The following COP1 variants were observed in gnomAD, a reference collection of about 807,000 sequenced individuals.
The protein encoded by COP1 is E3 ubiquitin-protein ligase COP1.
Under a neutral mutation model 101.3 loss-of-function variants are expected in COP1, and 24 were observed. The observed-to-expected ratio is 0.24, with a 90% confidence interval of 0.17 to 0.33. The LOEUF (loss-of-function observed/expected upper bound fraction) is 0.33. COP1 is among the 10% of genes least tolerant of loss of function. The pLI, the probability that COP1 is intolerant of heterozygous loss-of-function variation, is 1.00. For missense variants in COP1, 663 were observed against 906.2 expected, an observed-to-expected ratio of 0.73 and a Z score of 3.45; for synonymous variants, 347 against 341.9, an observed-to-expected ratio of 1.01 and a Z score of -0.17.
At chr1:175,995,990 A>T (rs1173776186) in intron 15 of COP1, among the ~76,000 whole-genome samples, 1 of 152,176 alleles carries the variant, frequency 6.6e-6, no homozygotes, top group East Asian at 1.9e-4. Flanking sequence ...TTGATGCAAA[A>T]ATCCTCAATA....
chr1:176,015,055 C>T (rs1217768442), intron 15 of COP1, among the ~76,000 whole-genome samples: 1 of 152,042 alleles, frequency 6.6e-6, no homozygotes, highest in East Asian at 1.9e-4. Context: ...TTTCAATAGG[C>T]TTCTTTGAGG....
At chr1:176,183,066 CTTTAT>C (rs1293132411) in intron 2 of COP1, among the ~76,000 whole-genome samples, 4 of 152,088 alleles carry the variant, frequency 2.6e-5, no homozygotes, top group Admixed American at 1.3e-4. Context: ...CATTTTAATA[CTTTAT>C]TTTATAAGAA....
At chr1:176,000,166 G>T (rs991612992) in intron 15 of COP1, among the ~76,000 whole-genome samples, 2 of 151,960 alleles carry the variant, frequency 1.3e-5, no homozygotes, top group Admixed American at 6.6e-5. Context: ...TATTACTAAA[G>T]AAATTTTTGC....
At chr1:175,945,829 A>G (rs1649104598) in intron 19 of COP1, among the ~76,000 whole-genome samples, 1 of 152,220 alleles carries the variant, frequency 6.6e-6, no homozygotes. Flanking sequence ...GCAAATATTT[A>G]AACGTGCAAC....
At chr1:176,048,620 C>A (rs537982982) in intron 11 of COP1, among the ~76,000 whole-genome samples, 38 of 152,240 alleles carry the variant, frequency 2.5e-4, no homozygotes, top group African/African-American at 8.7e-4. Context: ...GAGTTATTAT[C>A]AGAACTGAAA....
At chr1:175,984,513 C>T (rs565347641) in intron 18 of COP1, among the ~76,000 whole-genome samples, 2 of 152,298 alleles carry the variant, frequency 1.3e-5, no homozygotes, top group African/African-American at 4.8e-5. Flanking sequence ...CACGGCAGTA[C>T]AGAAGGGAAA....
chr1:176,040,374 G>A (rs1670306998), intron 14 of COP1, among the ~76,000 whole-genome samples: 1 of 151,840 alleles, frequency 6.6e-6, no homozygotes, highest in Admixed American at 6.6e-5. Flanking sequence ...GGAGTACAGT[G>A]TGGCACAATC....
At position 176,202,502 on chromosome 1, in the gene COP1, G is replaced by A. The variant is rs143112989; in HGVS notation, c.407+4070C>T. On this transcript the variant is annotated intron_variant, in intron 1 of 19. Coordinates refer to ENST00000367669, the MANE Select transcript of COP1 (RefSeq NM_022457.7). ...AGGTGCCCACCCTCACTTTTTAATA[G>A]TCTGAAAAACAGAGCCACGTGTTTT... Among the ~76,000 whole-genome samples the A allele has an allele frequency of 2.6e-3, 400 of 151,842 alleles. 3 individuals are homozygous for A. The highest frequency in any genetic ancestry group is 9.2e-3 in the African/African-American group (382 of 41,434).
chr1:176,079,503 G>A (rs1309837326), intron 11 of COP1, among the ~76,000 whole-genome samples: 2 of 151,862 alleles, frequency 1.3e-5, no homozygotes, highest in Non-Finnish European at 2.9e-5. Flanking sequence ...GAGGGCAGGG[G>A]TCGTGGGCTT....
intron 1 of COP1, among the ~76,000 whole-genome samples, chr1:176,202,896 A>G (rs1015790400): frequency 6.6e-6 from 1 of 152,168 alleles, no homozygotes; most frequent in South Asian, 2.1e-4. Context: ...ATAATTACAC[A>G]GTTAAAAGCC....
chr1:176,119,484 TA>T (rs1686750794), intron 8 of COP1, among the ~76,000 whole-genome samples: 1 of 152,194 alleles, frequency 6.6e-6, no homozygotes, highest in African/African-American at 2.4e-5. Flanking sequence ...AACTAAGAAT[TA>T]AAAATAGTAT....
intron 1 of COP1, among the ~76,000 whole-genome samples, chr1:176,187,520 A>T (rs1698623783): frequency 6.6e-6 from 1 of 151,882 alleles, no homozygotes; most frequent in Non-Finnish European, 1.5e-5. Flanking sequence ...AAGTGTTGGG[A>T]TTATAGGCAT....
intron 11 of COP1, among the ~76,000 whole-genome samples, chr1:176,052,159 T>A (rs1672680957): frequency 6.6e-6 from 1 of 152,160 alleles, no homozygotes; most frequent in East Asian, 1.9e-4. Flanking sequence ...TTCTATCTGG[T>A]ATATCCTACA....
intron 2 of COP1, among the ~76,000 whole-genome samples, chr1:176,181,321 T>C (rs1042120787): frequency 2.7e-4 from 41 of 152,036 alleles, no homozygotes; most frequent in African/African-American, 7.2e-4. Flanking sequence ...GAATTTACGT[T>C]ACTAGAAAGT....
chr1:176,198,147 C>T lies in COP1; in HGVS notation c.407+8425G>A, dbSNP rs2102234367. ...TTTTATAGAAATTGGCACGCTAATC[C>T]TAAGATTTATGTGGAAATGCAAAGA... is the stretch of plus-strand genomic sequence containing the variant. On this transcript the variant is annotated intron_variant, in intron 1 of 19. Transcript: ENST00000367669. Among the ~76,000 whole-genome samples the T allele has an allele frequency of 2.6e-5, 4 of 152,170 alleles. No homozygotes were observed. The Middle Eastern group carries it at 0.014, about 518-fold the overall frequency.
chr1:176,093,911 T>G (rs1681828469), intron 9 of COP1, among the ~76,000 whole-genome samples: 1 of 151,910 alleles, frequency 6.6e-6, no homozygotes, highest in Admixed American at 6.6e-5. Context: ...TAGTCCCAGC[T>G]ACTCGGGAGG....
chr1:176,132,429 G>A (rs1689028493), intron 8 of COP1, among the ~76,000 whole-genome samples: 1 of 151,602 alleles, frequency 6.6e-6, no homozygotes, highest in African/African-American at 2.4e-5. Context: ...GATACAGTCT[G>A]AGAAATGTGT....
At chr1:176,019,836 G>A (rs1190904699) in intron 15 of COP1, among the ~76,000 whole-genome samples, 1 of 151,938 alleles carries the variant, frequency 6.6e-6, no homozygotes, top group Non-Finnish European at 1.5e-5. Context: ...ATTGCAGCCT[G>A]GACCACAGAG....
intron 1 of COP1, among the ~76,000 whole-genome samples, chr1:176,199,403 G>A (rs1295396955): frequency 6.6e-6 from 1 of 151,862 alleles, no homozygotes; most frequent in African/African-American, 2.4e-5. Flanking sequence ...CATACACTTG[G>A]CAGAGAACTC....
Sources: allele counts gnomAD v4.1 joint callset (sites outside exome capture counted in the v4.1 genomes callset), GRCh38; gene constraint gnomAD v4.1.1; transcripts MANE v1.5; gene names NCBI Gene and HGNC (gene_info 2026-07-23, HGNC 2026-07-21).